The following DENND5A variants were observed in gnomAD, a reference collection of about 807,000 sequenced individuals.
The protein encoded by DENND5A is DENN domain containing 5A.
Under a neutral mutation model 140.3 loss-of-function variants are expected in DENND5A, and 64 were observed. The observed-to-expected ratio is 0.46, with a 90% CI of 0.37 to 0.56. The LOEUF (loss-of-function observed/expected upper bound fraction) is 0.56, where lower values mean the gene tolerates loss of function less well. DENND5A is among the 20% of genes least tolerant of loss of function. DENND5A has a pLI of 0.00. For missense variants in DENND5A, 1,292 were observed against 1,593.8 expected, an observed-to-expected ratio of 0.81 and a Z score of 3.22; for synonymous variants, 605 against 607.7, an observed-to-expected ratio of 1.00 and a Z score of 0.07.
intron 22 of DENND5A, chr11:9,140,107 C>G (rs1847187879): frequency 7.2e-7 from 1 of 1,395,428 alleles, no homozygotes; most frequent in Admixed American, 2.1e-5. Context: ...CTCGCCCTGC[C>G]TAGTCAGCCC....
chr11:9,214,581 G>C (rs913950741), intron 1 of DENND5A, among the ~76,000 whole-genome samples: 3 of 152,184 alleles, frequency 2.0e-5, no homozygotes, highest in Non-Finnish European at 4.4e-5. Context: ...GAAGGTAACT[G>C]TTCCTTGAAG....
Position 9,237,397 on chromosome 11 carries a change from G to A in DENND5A, c.109+27564C>T, listed in dbSNP as rs113488395. On this transcript the variant is annotated intron_variant, in intron 1 of 22. Transcript: ENST00000328194. ...AGATTGTACCACTGCACTCCAGCCT[G>A]GGCAGTAAGAGTGAAACTCCGTCTC... Among the ~76,000 whole-genome samples the A allele has an allele frequency of 2.3e-3, 348 of 152,176 alleles. 2 individuals carry two copies. The highest frequency in any genetic ancestry group is 8.0e-3 in the African/African-American group (332 of 41,520).
chr11:9,237,356 A>G (rs1442853644), intron 1 of DENND5A, among the ~76,000 whole-genome samples: 1 of 152,110 alleles, frequency 6.6e-6, no homozygotes, highest in Non-Finnish European at 1.5e-5. Flanking sequence ...CAGGAGGCAG[A>G]GGTTGCAGTG....
At chr11:9,165,742 T>G (rs922990420) in intron 11 of DENND5A, 94 bp downstream of exon 11, 7 of 1,438,956 alleles carry the variant, frequency 4.9e-6, no homozygotes, top group Non-Finnish European at 6.7e-6. Flanking sequence ...CCAACAGTAT[T>G]TTTAAAATCC....
chr11:9,238,198 AG>A (rs1851082918), intron 1 of DENND5A, among the ~76,000 whole-genome samples: 1 of 152,302 alleles, frequency 6.6e-6, no homozygotes, highest in East Asian at 1.9e-4. Flanking sequence ...CTCACGATAC[AG>A]TATCAAGAAA....
rs1554910371 is a variant in DENND5A at position 9,145,720 on chromosome 11, C to A, written c.2953G>T (p.Glu985Ter). ...PWICISGELG[E>*]TQIMQIPRNV... ...CTGGGAATCTGCATGATCTGTGTCT[C>A]ACCCAATTCTCCTGATATACAGATC... is the stretch of plus-strand genomic sequence containing the variant. Residue 985 changes from glutamate to a stop codon, truncating the protein, a stop_gained, in exon 17 of 23, where the codon GAG (glutamate) becomes TAG (stop). Transcript: ENST00000328194. LOFTEE classifies it high-confidence loss of function. 1 of 1,614,228 alleles carries A rather than the reference C, an allele frequency of 6.2e-7. No individual in the cohort carries two copies. The highest frequency in any genetic ancestry group is 8.5e-7 in the Non-Finnish European group (1 of 1,180,024).
chr11:9,264,910 C>G, intron 1 of DENND5A, 51 bp downstream of exon 1: 2 of 1,441,896 alleles, frequency 1.4e-6, no homozygotes, highest in Non-Finnish European at 1.9e-6. Context: ...CTTCTGGGGT[C>G]CCCGACGACA....
rs1392869787 is a variant in DENND5A, at chr11:9,179,014, T to C, written c.1515A>G (p.Glu505=). The C allele has an allele frequency of 6.2e-7, 1 of 1,614,184 alleles. No homozygotes were observed. The highest frequency in any genetic ancestry group is 8.5e-7 in the Non-Finnish European group (1 of 1,180,014). Residue 505 remains glutamate, a synonymous_variant, in exon 7 of 23, where the codon GAA becomes GAG. Transcript: ENST00000328194. ...NKDLKVQCDE[E]ELRIYQLNIQ... ...TGTTTAGCTGGTAAATCCTGAGTTC[T>C]TCTTCATCACACTGAACTTTGAGAT...
intron 1 of DENND5A, among the ~76,000 whole-genome samples, chr11:9,256,923 C>T (rs960415199): frequency 6.6e-6 from 1 of 152,150 alleles, no homozygotes; most frequent in Admixed American, 6.6e-5. Flanking sequence ...TATATATGGA[C>T]ACACACATAA....
chr11:9,190,765 A>C (rs1849095274), intron 5 of DENND5A, among the ~76,000 whole-genome samples: 1 of 152,204 alleles, frequency 6.6e-6, no homozygotes, highest in South Asian at 2.1e-4. Context: ...TCTGGGTGGT[A>C]AAATTTGAGG....
chr11:9,265,314 A>C lies in DENND5A; in HGVS notation c.-245T>G. On this transcript the variant is annotated 5_prime_UTR_variant, in exon 1 of 23. Transcript: ENST00000328194. The surrounding 1 kb of genome is among the most constrained non-coding windows in gnomAD (Gnocchi z 4.7). ...CCTCCGCGCCGCCGCCGCTGCAGCT[A>C]GCCGAGAGCGCCGCGGCCCGAGCGA... The C allele has an allele frequency of 3.0e-5, 7 of 235,280 alleles. No homozygotes were observed. Among genetic ancestry groups the C allele is most frequent in the East Asian group, 1.5e-4 (2 of 12,920 alleles). The allele number at this position is 235,280 out of a possible 1,614,324, so 14.6% of individuals were successfully genotyped here. A position where few individuals can be genotyped will look rare whatever the true frequency, so the allele number is the denominator to read the frequency against.
intron 1 of DENND5A, among the ~76,000 whole-genome samples, chr11:9,217,424 G>C (rs920684612): frequency 6.6e-6 from 1 of 152,048 alleles, no homozygotes; most frequent in African/African-American, 2.4e-5. Context: ...TGAGGCAGGA[G>C]AATAGCTAGA....
intron 1 of DENND5A, among the ~76,000 whole-genome samples, chr11:9,254,131 G>C (rs908055890): frequency 6.8e-6 from 1 of 146,562 alleles, no homozygotes; most frequent in Non-Finnish European, 1.5e-5. Flanking sequence ...ATTCCAGCCT[G>C]GGCAACAAGA....
chr11:9,179,295 CCAACAACT>C (rs1848648116), intron 6 of DENND5A, among the ~76,000 whole-genome samples: 1 of 151,936 alleles, frequency 6.6e-6, no homozygotes, highest in African/African-American at 2.4e-5. Flanking sequence ...TTAAAGATAT[CCAACAACT>C]CAATGAAAGT....
At chr11:9,222,920 A>G (rs1850371616) in intron 1 of DENND5A, among the ~76,000 whole-genome samples, 1 of 152,228 alleles carries the variant, frequency 6.6e-6, no homozygotes, top group Non-Finnish European at 1.5e-5. Flanking sequence ...CCTACCTTCT[A>G]CCAGACATAG....
At chr11:9,143,076 G>A in intron 20 of DENND5A, 2 of 608,768 alleles carry the variant, frequency 3.3e-6, no homozygotes, top group Non-Finnish European at 5.7e-6. Context: ...CACACAAGGA[G>A]ATTCTCCACT....
At position 9,152,724 on chromosome 11, in the gene DENND5A, C is replaced by T. The variant is rs551182319; in HGVS notation, c.2437-282G>A. The stretch of plus-strand genomic sequence containing the variant: ...CAGTGGATAAGAAAGAAAAAAGCAG[C>T]TGGGCACGGTGGCTCACACCTGTAA... On this transcript the variant is annotated intron_variant, in intron 12 of 22. Transcript: ENST00000328194. 4.3e-4 allele frequency among the ~76,000 whole-genome samples: 66 copies of T among 152,214 alleles called. 1 individual carries two copies. The highest frequency in any genetic ancestry group is 2.9e-3 in the East Asian group (15 of 5,180).
chr11:9,187,502 AT>A (rs1476460139), intron 5 of DENND5A, among the ~76,000 whole-genome samples: 1 of 152,124 alleles, frequency 6.6e-6, no homozygotes, highest in Non-Finnish European at 1.5e-5. Context: ...CCAATGCTCA[AT>A]TCCTAATACC....
intron 1 of DENND5A, among the ~76,000 whole-genome samples, chr11:9,249,082 G>C (rs1851601931): frequency 6.6e-6 from 1 of 151,978 alleles, no homozygotes; most frequent in Non-Finnish European, 1.5e-5. Flanking sequence ...AAAAAAATTA[G>C]CCGGGCGTGG....
Sources: allele counts gnomAD v4.1 joint callset (sites outside exome capture counted in the v4.1 genomes callset), GRCh38; gene constraint gnomAD v4.1.1; non-coding constraint Gnocchi (gnomAD v3.1); transcripts MANE v1.5; gene names NCBI Gene and HGNC (gene_info 2026-07-23, HGNC 2026-07-21).